The following KCNJ4 variants were observed in gnomAD, a reference collection of about 807,000 sequenced individuals.
KCNJ4 encodes inward rectifier potassium channel 4.
KCNJ4 carries 3 observed loss-of-function variants against 25.6 expected under a neutral mutation model. That is an observed-to-expected ratio of 0.12 (90% CI 0.05 to 0.30). The LOEUF is 0.30. Ranked by LOEUF, KCNJ4 falls within the 10% of genes least tolerant of loss-of-function variation. The pLI is 1.00. For synonymous variants in KCNJ4, 257 were observed against 283.9 expected (o/e 0.91, Z 0.95); for missense variants, 286 against 666.8 (o/e 0.43, Z 6.29).
Position 38,449,871 on chromosome 22 carries a change from TG to T in KCNJ4, c.-40+5108del, listed in dbSNP as rs556158092. Among the ~76,000 whole-genome samples, 96 of 152,204 alleles carry T rather than the reference TG, an allele frequency of 6.3e-4. No homozygotes were observed. The highest frequency in any genetic ancestry group is 2.3e-3 in the African/African-American group (95 of 41,540). Reference sequence around the variant, plus strand: ...CAGGATTGGTCAAGACCTTTGGGAGTGGGGGGCCAAGACCAGAGCAAGCCAG... The same window carrying T: ...CAGGATTGGTCAAGACCTTTGGGAGTGGGGGCCAAGACCAGAGCAAGCCAG... On this transcript the variant is annotated intron_variant, in intron 1 of 1. Transcript: ENST00000303592. The surrounding 1 kb of genome is among the most constrained non-coding windows in gnomAD (Gnocchi z 5.2).
intron 1 of KCNJ4, among the ~76,000 whole-genome samples, chr22:38,444,619 G>C (rs1867187533): frequency 6.6e-6 from 1 of 152,200 alleles, no homozygotes. Context: ...GGACCTAGTG[G>C]GAGAGGGCAT....
In KCNJ4 at chr22:38,426,788, C is replaced by T. The variant is rs2093033862; in HGVS notation, c.*7G>A. 3 of 1,602,128 alleles carry T rather than the reference C, an allele frequency of 1.9e-6. No homozygotes were observed. The highest frequency in any genetic ancestry group is 2.6e-6 in the Non-Finnish European group (3 of 1,172,610). On this transcript the variant is annotated 3_prime_UTR_variant, in exon 2 of 2. Transcript: ENST00000303592. The stretch of plus-strand genomic sequence containing the variant: ...TTGTGGGCAGTGGTGAGGGCCGGGC[C>T]TGGAGGTCAGATGGCAGACTCCCTG...
At chr22:38,437,262 G>A (rs1431913077) in intron 1 of KCNJ4, among the ~76,000 whole-genome samples, 2 of 152,226 alleles carry the variant, frequency 1.3e-5, no homozygotes, top group Non-Finnish European at 2.9e-5. Context: ...AATCACAGGC[G>A]CTGGGGGCTG....
rs1257702560 is a variant in KCNJ4, at chr22:38,427,478, C to T, written c.655G>A (p.Val219Met). 3.7e-6 allele frequency: 6 copies of T among 1,612,412 alleles called. No homozygotes were observed. Among genetic ancestry groups the T allele is most frequent in the African/African-American group, 1.3e-5 (1 of 75,032 alleles). The part of the protein sequence containing the change: ...LRKSHIVEAH[V>M]RAQLIKPYMT... Reference sequence around the variant, plus strand: ...TAGGGCTTGATGAGCTGGGCCCGCACGTGGGCCTCCACAATGTGGCTCTTG... The same window carrying T: ...TAGGGCTTGATGAGCTGGGCCCGCATGTGGGCCTCCACAATGTGGCTCTTG... The change falls in exon 2 of 2, where the codon GTG becomes ATG. Residue 219 changes from valine to methionine, a missense_variant. Transcript: ENST00000303592.
rs200389802 is a variant in KCNJ4, at chr22:38,429,914, G to A, written c.-39-1743C>T. Reference sequence around the variant, plus strand: ...TGTGGCAATGTTTATACACTTCCCCGGTTCAGGACAACTCGGTTGCCGCAG... The same window carrying A: ...TGTGGCAATGTTTATACACTTCCCCAGTTCAGGACAACTCGGTTGCCGCAG... On this transcript the variant is annotated intron_variant, in intron 1 of 1. Transcript: ENST00000303592. Among the ~76,000 whole-genome samples the A allele has an allele frequency of 7.9e-5, 12 of 152,288 alleles. No individual in the cohort carries two copies. In the South Asian group the frequency reaches 1.4e-3, roughly 18 times the overall value.
chr22:38,433,647 C>A (rs1471791415), intron 1 of KCNJ4, among the ~76,000 whole-genome samples: 1 of 152,122 alleles, frequency 6.6e-6, no homozygotes, highest in Non-Finnish European at 1.5e-5. Flanking sequence ...TGTAAACATC[C>A]AAAATCTGCA....
At chr22:38,435,681 A>G (rs1357814980) in intron 1 of KCNJ4, among the ~76,000 whole-genome samples, 3 of 150,374 alleles carry the variant, frequency 2.0e-5, no homozygotes, top group African/African-American at 7.4e-5. Flanking sequence ...CAACAGAGCG[A>G]GACTCTGTCT....
chr22:38,437,874 G>C (rs1171517844), intron 1 of KCNJ4, among the ~76,000 whole-genome samples: 2 of 152,106 alleles, frequency 1.3e-5, no homozygotes, highest in East Asian at 3.9e-4. Context: ...AGGCCGAAGT[G>C]GGCAGATAAC....
intron 1 of KCNJ4, among the ~76,000 whole-genome samples, chr22:38,431,326 C>T (rs1443754287): frequency 6.6e-6 from 1 of 152,182 alleles, no homozygotes; most frequent in Non-Finnish European, 1.5e-5. Context: ...TGGGCATCCC[C>T]TCGCCAGCAG....
At chr22:38,435,331 C>A (rs1220256956) in intron 1 of KCNJ4, among the ~76,000 whole-genome samples, 1 of 152,182 alleles carries the variant, frequency 6.6e-6, no homozygotes, top group Non-Finnish European at 1.5e-5. Context: ...GGTCAGGGGA[C>A]GCAGCCCAGG....
intron 1 of KCNJ4, 21 bp from the exon 2 acceptor site, chr22:38,428,192 A>C (rs2093038932): frequency 1.9e-6 from 3 of 1,552,256 alleles, no homozygotes; most frequent in Non-Finnish European, 2.6e-6. Flanking sequence ...GAAGCCGGAC[A>C]GGTGAGATGC....
intron 1 of KCNJ4, among the ~76,000 whole-genome samples, chr22:38,451,505 G>C (rs931305932): frequency 6.6e-6 from 1 of 152,200 alleles, no homozygotes; most frequent in East Asian, 1.9e-4. Flanking sequence ...TAGTGCCCAA[G>C]GACAGTGGGG....
intron 1 of KCNJ4, among the ~76,000 whole-genome samples, chr22:38,441,200 G>A (rs977758813): frequency 5.3e-5 from 8 of 152,170 alleles, no homozygotes; most frequent in Non-Finnish European, 1.2e-4. Flanking sequence ...GCCCTGCCCA[G>A]CCTGGAGCAC....
chr22:38,453,206 C>T (rs556979756), intron 1 of KCNJ4, among the ~76,000 whole-genome samples: 12 of 152,214 alleles, frequency 7.9e-5, no homozygotes, highest in South Asian at 6.2e-4. Context: ...CTGGCGCACG[C>T]GGCTTTCACA....
At chr22:38,439,494 C>T (rs757782096) in intron 1 of KCNJ4, among the ~76,000 whole-genome samples, 5 of 150,682 alleles carry the variant, frequency 3.3e-5, no homozygotes, top group East Asian at 2.0e-4. Context: ...TACAACATTC[C>T]GGCCGGGCAT....
chr22:38,447,924 C>T (rs1304485848), intron 1 of KCNJ4, among the ~76,000 whole-genome samples: 5 of 151,826 alleles, frequency 3.3e-5, no homozygotes, highest in African/African-American at 9.7e-5. Flanking sequence ...ATTAGCCAGA[C>T]GTGGTGGCAC....
At chr22:38,450,026 C>T (rs919576623) in intron 1 of KCNJ4, among the ~76,000 whole-genome samples, 1 of 152,214 alleles carries the variant, frequency 6.6e-6, no homozygotes, top group Non-Finnish European at 1.5e-5. Flanking sequence ...CCAGCTGCAG[C>T]GTCACAAGCA....
chr22:38,454,777 G>GT (rs2089430329), intron 1 of KCNJ4, among the ~76,000 whole-genome samples: 1 of 152,036 alleles, frequency 6.6e-6, no homozygotes. Context: ...GCTCCCAGAC[G>GT]GACAGACGGA....
intron 1 of KCNJ4, among the ~76,000 whole-genome samples, chr22:38,445,854 G>A (rs196083): frequency 0.16 from 24,415 of 152,122 alleles, 3,422 homozygotes; most frequent in African/African-American, 0.38. Context: ...AATGGGATCC[G>A]GCGTGTGTCT....
Sources: gnomAD v4.1 joint callset for allele counts (sites outside exome capture counted in the v4.1 genomes callset) on GRCh38, gnomAD v4.1.1 for gene constraint, Gnocchi (gnomAD v3.1) non-coding constraint, MANE v1.5 for transcripts, NCBI Gene and HGNC (gene_info 2026-07-23, HGNC 2026-07-21) for gene names.